Variants in STOX2 observed in about 807,000 individuals in gnomAD.
STOX2 encodes the protein storkhead box 2.
A neutral mutation model predicts 60.9 loss-of-function variants in STOX2; 28 were observed. The observed-to-expected ratio is 0.46, with a 90% CI of 0.34 to 0.63. STOX2 has a LOEUF of 0.63. STOX2 is among the 30% of genes least tolerant of loss of function. The pLI is 0.01. For missense variants in STOX2, 1,024 were observed against 1,187.7 expected, an observed-to-expected ratio of 0.86 and a Z score of 2.03; for synonymous variants, 472 against 463.9, an observed-to-expected ratio of 1.02 and a Z score of -0.22.
intron 1 of STOX2, among the ~76,000 whole-genome samples, chr4:183,997,156 C>T (rs1460527993): frequency 1.3e-5 from 2 of 152,164 alleles, no homozygotes; most frequent in East Asian, 3.8e-4. Context: ...AGACAGTAAA[C>T]TCGGCTGTGA....
intron 1 of STOX2, among the ~76,000 whole-genome samples, chr4:183,929,879 T>C (rs941811642): frequency 2.8e-5 from 4 of 142,532 alleles, no homozygotes; most frequent in African/African-American, 6.2e-5. Flanking sequence ...CTTCTTCTTC[T>C]TTGAGACGGA....
At chr4:183,915,613 T>A (rs865854465) in intron 1 of STOX2, among the ~76,000 whole-genome samples, 5 of 152,306 alleles carry the variant, frequency 3.3e-5, no homozygotes, top group Middle Eastern at 3.4e-3. Flanking sequence ...GCAGCAGTAC[T>A]GGAATAGGGT....
At chr4:183,935,640 C>T (rs1465547528) in intron 1 of STOX2, among the ~76,000 whole-genome samples, 1 of 152,198 alleles carries the variant, frequency 6.6e-6, no homozygotes, top group Non-Finnish European at 1.5e-5. Context: ...GATCTTGGAA[C>T]AATCCTTTTA....
In STOX2 at chr4:183,906,464, GCCCGCCCCCTC is replaced by G. The variant is rs988561313; in HGVS notation, c.-320_-310del. On this transcript the variant is annotated 5_prime_UTR_variant, in exon 1 of 4. Coordinates refer to ENST00000308497, the MANE Select transcript of STOX2 (RefSeq NM_020225.3). ...CTGCAAGTCTCGGCGCCCCCACCCCGCCCGCCCCCTCCCCGCCTCCTCCCGGCCGGGGAGCC... is the reference window on the plus strand; with the variant it reads ...CTGCAAGTCTCGGCGCCCCCACCCCGCCCGCCTCCTCCCGGCCGGGGAGCC... The G allele has an allele frequency of 3.8e-5, 3 of 78,574 alleles. No individual in the cohort carries two copies. Among genetic ancestry groups the G allele is most frequent in the Admixed American group, 3.8e-4 (3 of 7,892 alleles). 4.9% of individuals were successfully genotyped at this position (78,574 alleles called of 1,614,324 possible). A position where few individuals can be genotyped will look rare whatever the true frequency, so the allele number is the denominator to read the frequency against.
intron 1 of STOX2, among the ~76,000 whole-genome samples, chr4:183,842,833 C>G (rs906365841): frequency 6.8e-6 from 1 of 147,912 alleles, no homozygotes; most frequent in African/African-American, 2.5e-5. Context: ...GTTTTAAATT[C>G]TTTTTTTTTT....
intron 1 of STOX2, among the ~76,000 whole-genome samples, chr4:183,829,842 C>T (rs1739525556): frequency 2.0e-5 from 3 of 152,200 alleles, no homozygotes; most frequent in Admixed American, 1.3e-4. Flanking sequence ...TAATTCTCCT[C>T]TCCTGGCCAA....
chr4:183,933,450 A>G (rs763109689), intron 1 of STOX2, among the ~76,000 whole-genome samples: 7 of 152,168 alleles, frequency 4.6e-5, no homozygotes, highest in Non-Finnish European at 8.8e-5. Context: ...GTGCAATGGC[A>G]TGATCTCGGC....
chr4:183,878,007 T>A (rs536806259), intron 1 of STOX2, among the ~76,000 whole-genome samples: 1 of 152,294 alleles, frequency 6.6e-6, no homozygotes, highest in East Asian at 1.9e-4. Context: ...CACTTTCACA[T>A]AATTTATCCT....
intron 1 of STOX2, among the ~76,000 whole-genome samples, chr4:183,916,657 ATAAAAC>A (rs1560880741): frequency 1.3e-5 from 2 of 152,238 alleles, no homozygotes; most frequent in Non-Finnish European, 2.9e-5. Context: ...CAGCATGGGT[ATAAAAC>A]TGTAGAATCC....
At chr4:183,877,173 C>A (rs1172348490) in intron 1 of STOX2, among the ~76,000 whole-genome samples, 2 of 152,192 alleles carry the variant, frequency 1.3e-5, no homozygotes, top group Non-Finnish European at 2.9e-5. Context: ...GGGATAAAAA[C>A]AATCTCTTTT....
intron 1 of STOX2, among the ~76,000 whole-genome samples, chr4:183,914,035 T>C (rs575371083): frequency 1.3e-5 from 2 of 152,150 alleles, no homozygotes; most frequent in Non-Finnish European, 2.9e-5. Flanking sequence ...ATTTAATTAG[T>C]TCAGTAAAAA....
intron 2 of STOX2, among the ~76,000 whole-genome samples, chr4:184,008,022 C>T (rs1033453818): frequency 6.6e-6 from 1 of 152,154 alleles, no homozygotes; most frequent in Non-Finnish European, 1.5e-5. Flanking sequence ...GGTTTCAATC[C>T]AGCAGCCCGG....
At chr4:183,997,294 A>G (rs1408574871) in intron 1 of STOX2, among the ~76,000 whole-genome samples, 2 of 152,226 alleles carry the variant, frequency 1.3e-5, no homozygotes, top group Non-Finnish European at 2.9e-5. Context: ...CAAGGGCACA[A>G]AAAATACAAA....
chr4:184,000,781 G>A (rs562643959), intron 1 of STOX2, among the ~76,000 whole-genome samples: 2 of 152,260 alleles, frequency 1.3e-5, no homozygotes, highest in African/African-American at 2.4e-5. Flanking sequence ...GTTCTCTTGT[G>A]TGCCTGCCAC....
intron 1 of STOX2, among the ~76,000 whole-genome samples, chr4:183,949,458 G>A (rs1244595033): frequency 7.2e-5 from 11 of 152,038 alleles, no homozygotes; most frequent in Admixed American, 7.2e-4. Flanking sequence ...CCAGCACTTA[G>A]GGAGGCCGAG....
intron 1 of STOX2, among the ~76,000 whole-genome samples, chr4:183,937,570 C>T (rs1329890297): frequency 6.6e-6 from 1 of 152,132 alleles, no homozygotes; most frequent in Non-Finnish European, 1.5e-5. Flanking sequence ...GGCATTGAAA[C>T]ACCAATAGCA....
intron 1 of STOX2, among the ~76,000 whole-genome samples, chr4:183,888,007 G>C (rs1156774251): frequency 6.6e-6 from 1 of 152,168 alleles, no homozygotes; most frequent in South Asian, 2.1e-4. Context: ...TCCTGCCTTG[G>C]CCTCCCAAAG....
intron 1 of STOX2, among the ~76,000 whole-genome samples, chr4:183,816,007 A>G (rs967106142): frequency 4.6e-5 from 7 of 152,220 alleles, no homozygotes; most frequent in African/African-American, 1.4e-4. Flanking sequence ...GTCCAACAGT[A>G]CATTATTGTA....
intron 1 of STOX2, among the ~76,000 whole-genome samples, chr4:183,978,388 C>T (rs4862277): frequency 0.52 from 78,997 of 151,986 alleles, 20,577 homozygotes; most frequent in African/African-American, 0.56. Flanking sequence ...TTTTTGTCAA[C>T]GTTGTCAAAG....
Sources: allele counts gnomAD v4.1 joint callset (sites outside exome capture counted in the v4.1 genomes callset), GRCh38; gene constraint gnomAD v4.1.1; transcripts MANE v1.5; gene names NCBI Gene and HGNC (gene_info 2026-07-23, HGNC 2026-07-21).